RASAL2: variants seen among roughly 807,000 people sequenced by gnomAD.
RASAL2 encodes RAS protein activator like 2.
RASAL2 carries 58 observed loss-of-function variants against 128.9 expected under a neutral mutation model. The observed-to-expected ratio is 0.45, with a 90% CI of 0.36 to 0.56. The LOEUF is 0.56. Ranked by LOEUF, RASAL2 falls within the 20% of genes least tolerant of loss-of-function variation. The pLI, the probability that RASAL2 is intolerant of heterozygous loss-of-function variation, is 0.00. For synonymous variants in RASAL2, 561 were observed against 580.8 expected, an observed-to-expected ratio of 0.97 and a Z score of 0.49; for missense variants, 1,360 against 1,601.6, an observed-to-expected ratio of 0.85 and a Z score of 2.57.
Position 178,157,443 on chromosome 1 carries a change from AG to A in RASAL2, c.202+62750del, listed in dbSNP as rs1389968518. On this transcript the variant is annotated intron_variant, in intron 1 of 17. Transcript: ENST00000367649. ...TCACACCTCTGCCATTTTACCACCT[AG>A]TTTTTGCCCTTGTGTGGAGTGGGGA... 2.0e-5 allele frequency among the ~76,000 whole-genome samples: 3 copies of A among 152,194 alleles called. No individual in the cohort carries two copies. The East Asian group carries it at 5.8e-4, about 29-fold the overall frequency.
Position 178,323,487 on chromosome 1 carries a change from A to C in RASAL2, c.457+23369A>C, listed in dbSNP as rs551715161. 9.2e-5 allele frequency among the ~76,000 whole-genome samples: 14 copies of C among 152,338 alleles called. No individual in the cohort carries two copies. In the East Asian group the frequency reaches 2.3e-3, roughly 25 times the overall value. ...TGAAATTAGAGAATTACTAAATATC[A>C]TTGCACAGCCACAGGACTATAAGCA... On this transcript the variant is annotated intron_variant, in intron 3 of 17. Coordinates refer to ENST00000367649, the MANE Select transcript of RASAL2 (RefSeq NM_170692.4).
chr1:178,470,736 C>T (rs751466335), intron 17 of RASAL2: 14 of 1,364,946 alleles, frequency 1.0e-5, no homozygotes, highest in Admixed American at 5.7e-5. Flanking sequence ...AAGTAAACCC[C>T]GCGTCCGTTC....
At chr1:178,393,542 C>CGCTCACCTGCT (rs1177734040) in intron 4 of RASAL2, among the ~76,000 whole-genome samples, 1 of 152,180 alleles carries the variant, frequency 6.6e-6, no homozygotes, top group Admixed American at 6.5e-5. Context: ...ATGTTTTACT[C>CGCTCACCTGCT]GCTCACCTGC....
intron 3 of RASAL2, among the ~76,000 whole-genome samples, chr1:178,358,237 TAAAAAAAAAAA>T (rs71567191): frequency 0.013 from 456 of 34,812 alleles, 6 homozygotes; most frequent in Middle Eastern, 0.043. Context: ...CTCTGTCTCC[TAAAAAAAAAAA>T]AAAAAAAAAA....
In RASAL2 at chr1:178,477,013, A is replaced by G. The variant is rs1215699904; in HGVS notation, c.*3774A>G. On this transcript the variant is annotated 3_prime_UTR_variant, in exon 18 of 18. Transcript: ENST00000367649. ...AGGATTACCTCAGTCCCATCAGTCT[A>G]CCCCATTGTGACATTGAGCCCAACA... is the stretch of plus-strand genomic sequence containing the variant. The G allele has an allele frequency of 6.6e-6, 1 of 152,500 alleles. No homozygotes were observed. The highest frequency in any genetic ancestry group is 1.5e-5 in the Non-Finnish European group (1 of 68,084). The allele number at this position is 152,500 out of a possible 1,614,324, so 9.4% of individuals were successfully genotyped here.
At chr1:178,364,057 C>T (rs1671266333) in intron 3 of RASAL2, among the ~76,000 whole-genome samples, 1 of 150,776 alleles carries the variant, frequency 6.6e-6, no homozygotes, top group Non-Finnish European at 1.5e-5. Flanking sequence ...GATCGCGCCA[C>T]TGCACTCCAG....
At chr1:178,234,672 C>G (rs1194401425) in intron 1 of RASAL2, among the ~76,000 whole-genome samples, 2 of 151,934 alleles carry the variant, frequency 1.3e-5, no homozygotes, top group Non-Finnish European at 2.9e-5. Flanking sequence ...TTTAAAAAAC[C>G]TTAGCACTGG....
At chr1:178,365,747 A>G (rs1671366395) in intron 3 of RASAL2, among the ~76,000 whole-genome samples, 1 of 152,210 alleles carries the variant, frequency 6.6e-6, no homozygotes, top group Non-Finnish European at 1.5e-5. Context: ...TGCTGGGATT[A>G]TAGGCATGAG....
intron 1 of RASAL2, among the ~76,000 whole-genome samples, chr1:178,160,661 A>T (rs1661252762): frequency 6.6e-6 from 1 of 152,222 alleles, no homozygotes; most frequent in African/African-American, 2.4e-5. Flanking sequence ...ATGAAAACAA[A>T]AAAATATATT....
At chr1:178,417,158 C>G (rs543093213) in intron 4 of RASAL2, among the ~76,000 whole-genome samples, 6 of 152,028 alleles carry the variant, frequency 3.9e-5, no homozygotes, top group African/African-American at 1.2e-4. Flanking sequence ...CGTAGTTGTC[C>G]TGTAGTCTTT....
intron 1 of RASAL2, among the ~76,000 whole-genome samples, chr1:178,159,906 A>G (rs1661216589): frequency 6.6e-6 from 1 of 152,066 alleles, no homozygotes; most frequent in African/African-American, 2.4e-5. Context: ...CTCTGTCTAA[A>G]ACAAACAAAC....
chr1:178,159,430 C>A (rs923676627), intron 1 of RASAL2, among the ~76,000 whole-genome samples: 1 of 152,180 alleles, frequency 6.6e-6, no homozygotes, highest in Admixed American at 6.5e-5. Flanking sequence ...CCAAGACTTT[C>A]TCTTGGCTGG....
chr1:178,398,621 A>G (rs1045037828), intron 4 of RASAL2, among the ~76,000 whole-genome samples: 1 of 152,206 alleles, frequency 6.6e-6, no homozygotes, highest in African/African-American at 2.4e-5. Flanking sequence ...TCTGTATTGT[A>G]CTATGGCTTG....
intron 5 of RASAL2, among the ~76,000 whole-genome samples, chr1:178,429,229 G>T (rs1572057647): frequency 6.6e-6 from 1 of 151,984 alleles, no homozygotes; most frequent in South Asian, 2.1e-4. Flanking sequence ...CAAATCTTTT[G>T]CCCTAACAAC....
At chr1:178,275,833 A>G (rs976180739) in intron 1 of RASAL2, among the ~76,000 whole-genome samples, 1 of 152,252 alleles carries the variant, frequency 6.6e-6, no homozygotes, top group Non-Finnish European at 1.5e-5. Flanking sequence ...GATAATGAGC[A>G]TAGTGGATTT....
chr1:178,158,758 C>T (rs142150607), intron 1 of RASAL2, among the ~76,000 whole-genome samples: 1 of 152,250 alleles, frequency 6.6e-6, no homozygotes, highest in East Asian at 1.9e-4. Context: ...CCCTAAGTTG[C>T]TCTTTGTTGA....
At position 178,465,822 on chromosome 1, in the gene RASAL2, AAGAAAAAAAGAAAGAAAGAG is replaced by A. The variant is rs1308659368; in HGVS notation, c.3388-96_3388-77del. The A allele has an allele frequency of 4.5e-5, 52 of 1,148,850 alleles. No homozygotes were observed. In the African/African-American group the frequency reaches 5.8e-4, roughly 13 times the overall value. 71.2% of individuals were successfully genotyped at this position (1,148,850 alleles called of 1,614,324 possible). On this transcript the variant is annotated intron_variant, in intron 15 of 17. Coordinates refer to ENST00000367649, the MANE Select transcript of RASAL2 (RefSeq NM_170692.4). ...TTTGTTAAAAAAAAGAAAAAAGAAAAAGAAAAAAAGAAAGAAAGAGAAAGAAAGAAAAGTAAATCACTGAT... is the reference window on the plus strand; with the variant it reads ...TTTGTTAAAAAAAAGAAAAAAGAAAAAAAGAAAGAAAAGTAAATCACTGAT...
At chr1:178,238,395 G>A (rs576497025) in intron 1 of RASAL2, among the ~76,000 whole-genome samples, 5 of 152,064 alleles carry the variant, frequency 3.3e-5, no homozygotes, top group African/African-American at 7.2e-5. Context: ...AAATTTTTAC[G>A]TGAACATATG....
At chr1:178,116,661 G>A (rs761685026) in intron 1 of RASAL2, among the ~76,000 whole-genome samples, 7 of 152,144 alleles carry the variant, frequency 4.6e-5, no homozygotes, top group Non-Finnish European at 1.0e-4. Flanking sequence ...CCAGGCTTGA[G>A]TGCAGTGGCA....
Sources: allele counts gnomAD v4.1 joint callset (sites outside exome capture counted in the v4.1 genomes callset), GRCh38; gene constraint gnomAD v4.1.1; transcripts MANE v1.5; gene names NCBI Gene and HGNC (gene_info 2026-07-23, HGNC 2026-07-21).